PCDH15: variants seen among roughly 807,000 people sequenced by gnomAD.
PCDH15 encodes the protein protocadherin related 15.
Under a neutral mutation model 178.5 loss-of-function variants are expected in PCDH15, and 129 were observed. The observed-to-expected ratio is 0.72, with a 90% confidence interval of 0.63 to 0.84. PCDH15 has a LOEUF of 0.84. Among genes scored for constraint, PCDH15 ranks in the 40% least tolerant of loss-of-function variants. The pLI, the probability that PCDH15 is intolerant of heterozygous loss-of-function variation, is 0.00. For synonymous variants in PCDH15, 800 were observed against 732.0 expected (o/e 1.09, Z -1.50); for missense variants, 2,230 against 2,099.9 (o/e 1.06, Z -1.21).
chr10:55,475,683 G>A (rs546100713), intron 2 of PCDH15, among the ~76,000 whole-genome samples: 12 of 152,218 alleles, frequency 7.9e-5, no homozygotes, highest in African/African-American at 2.9e-4. Flanking sequence ...TGAATTTCGT[G>A]TTTAAACTTG....
intron 1 of PCDH15, among the ~76,000 whole-genome samples, chr10:55,288,907 G>C (rs139114822): frequency 0.018 from 2,745 of 149,898 alleles, 47 homozygotes; most frequent in Middle Eastern, 0.031. Context: ...TGGATTGGTG[G>C]ATTATACAGT....
At chr10:55,377,326 T>C (rs898357705) in intron 2 of PCDH15, among the ~76,000 whole-genome samples, 1 of 151,830 alleles carries the variant, frequency 6.6e-6, no homozygotes, top group Non-Finnish European at 1.5e-5. Flanking sequence ...ACAGTGCCAG[T>C]ATTTGGGGTA....
Position 54,555,073 on chromosome 10 carries a change from G to A in PCDH15, c.92-27196C>T, listed in dbSNP as rs75357878. On this transcript the variant is annotated intron_variant, in intron 2 of 37. Coordinates refer to ENST00000644397, the MANE Select transcript of PCDH15 (RefSeq NM_001384140.1). ...TAAAAGAAAATTTTTAAAAAGGAAG[G>A]ATGTGATAAGGGAAGTTGATGCTGA... Among the ~76,000 whole-genome samples the A allele has an allele frequency of 5.4e-3, 817 of 152,218 alleles. 9 individuals are homozygous for A. Among genetic ancestry groups the A allele is most frequent in the African/African-American group, 0.019 (784 of 41,556 alleles).
At chr10:53,888,147 T>C (rs1432677370) in intron 26 of PCDH15, among the ~76,000 whole-genome samples, 1 of 151,022 alleles carries the variant, frequency 6.6e-6, no homozygotes, top group Non-Finnish European at 1.5e-5. Flanking sequence ...GCAGTTTTTC[T>C]TCATAGAAGA....
chr10:55,369,958 G>C (rs1033107618), intron 2 of PCDH15, among the ~76,000 whole-genome samples: 18 of 151,562 alleles, frequency 1.2e-4, no homozygotes, highest in African/African-American at 4.1e-4. Context: ...GCAATAGCTT[G>C]AAAAAAAATC....
At chr10:54,228,315 G>C (rs2053677097) in intron 9 of PCDH15, among the ~76,000 whole-genome samples, 1 of 152,122 alleles carries the variant, frequency 6.6e-6, no homozygotes, top group Non-Finnish European at 1.5e-5. Flanking sequence ...CAGGCAAAGA[G>C]AGAACACTTG....
intron 3 of PCDH15, among the ~76,000 whole-genome samples, chr10:54,435,192 T>G (rs1409535333): frequency 6.6e-6 from 1 of 152,164 alleles, no homozygotes; most frequent in Non-Finnish European, 1.5e-5. Context: ...TACCATACAT[T>G]TATTGGTCTT....
At chr10:54,502,718 A>C (rs2080809509) in intron 3 of PCDH15, among the ~76,000 whole-genome samples, 1 of 152,094 alleles carries the variant, frequency 6.6e-6, no homozygotes, top group South Asian at 2.1e-4. Flanking sequence ...AAATAATAAA[A>C]GTACAACAAT....
intron 1 of PCDH15, among the ~76,000 whole-genome samples, chr10:55,251,301 G>C (rs1191169821): frequency 6.6e-6 from 1 of 151,894 alleles, no homozygotes. Context: ...TCAGTATAAG[G>C]ATTATTTTTA....
chr10:54,212,218 T>C (rs937695207), intron 10 of PCDH15, among the ~76,000 whole-genome samples: 1 of 152,134 alleles, frequency 6.6e-6, no homozygotes, highest in African/African-American at 2.4e-5. Flanking sequence ...TCAGTACACA[T>C]TGTGGAGTTT....
intron 2 of PCDH15, among the ~76,000 whole-genome samples, chr10:55,450,512 T>C (rs1167236860): frequency 6.6e-6 from 1 of 152,198 alleles, no homozygotes; most frequent in Admixed American, 6.5e-5. Flanking sequence ...GGCATTTACC[T>C]ACAGAGTTAA....
At position 55,257,522 on chromosome 10, in the gene PCDH15, C is replaced by A. The variant is rs546643083; in HGVS notation, c.-156+62077G>T. On this transcript the variant is annotated intron_variant, in intron 1 of 5. Transcript: ENST00000458638. ...ACTAGAATAACCAATGCAGAGAAGT[C>A]CTTAAAGGACCTGATGGAGCTGAAA... Among the ~76,000 whole-genome samples the A allele has an allele frequency of 2.2e-4, 34 of 152,152 alleles. 1 individual carries two copies. The South Asian group carries it at 6.9e-3, about 31-fold the overall frequency.
chr10:54,785,023 T>C (rs1456854137), intron 1 of PCDH15, among the ~76,000 whole-genome samples: 1 of 151,924 alleles, frequency 6.6e-6, no homozygotes, highest in Non-Finnish European at 1.5e-5. Context: ...AGACAGGAAG[T>C]GTGCCTGCAT....
intron 10 of PCDH15, among the ~76,000 whole-genome samples, chr10:54,212,770 T>G (rs1300426819): frequency 4.6e-5 from 7 of 152,176 alleles, no homozygotes; most frequent in Admixed American, 6.6e-5. Context: ...TATTAATTGT[T>G]AAACTAGACA....
chr10:55,167,751 A>G (rs1839233369), intron 1 of PCDH15, among the ~76,000 whole-genome samples: 3 of 152,148 alleles, frequency 2.0e-5, no homozygotes, highest in Admixed American at 2.0e-4. Context: ...TGACAGATGC[A>G]TTTAATTTAT....
At chr10:55,053,303 C>A (rs1446174099) in intron 2 of PCDH15, among the ~76,000 whole-genome samples, 2 of 152,158 alleles carry the variant, frequency 1.3e-5, no homozygotes, top group Non-Finnish European at 2.9e-5. Flanking sequence ...GTCTCAATTT[C>A]ACAGCATTTC....
chr10:55,240,391 T>C (rs1841510158), intron 1 of PCDH15, among the ~76,000 whole-genome samples: 1 of 152,194 alleles, frequency 6.6e-6, no homozygotes, highest in African/African-American at 2.4e-5. Context: ...AACAAAATTA[T>C]TGTCCATTTA....
intron 3 of PCDH15, among the ~76,000 whole-genome samples, chr10:54,495,992 T>C (rs190355755): frequency 1.3e-5 from 2 of 152,276 alleles, no homozygotes; most frequent in East Asian, 3.9e-4. Context: ...AATTCTGGAC[T>C]TCAAGTAAAA....
chr10:53,964,351 T>G (rs1191817714), intron 21 of PCDH15, among the ~76,000 whole-genome samples: 1 of 149,868 alleles, frequency 6.7e-6, no homozygotes, highest in Non-Finnish European at 1.5e-5. Flanking sequence ...AGTATTTGAA[T>G]AAATAATTTT....
Sources: allele counts gnomAD v4.1 joint callset (sites outside exome capture counted in the v4.1 genomes callset), GRCh38; gene constraint gnomAD v4.1.1; transcripts MANE v1.5; gene names NCBI Gene and HGNC (gene_info 2026-07-23, HGNC 2026-07-21).